Variants in GFOD1 observed in about 807,000 individuals in gnomAD.
GFOD1 encodes the protein glucose-fructose oxidoreductase domain-containing protein 1.
A neutral mutation model predicts 25.4 loss-of-function variants in GFOD1; 9 were observed. The observed-to-expected ratio is 0.35, with a 90% confidence interval of 0.21 to 0.62. GFOD1 has a LOEUF of 0.62. Ranked by LOEUF, GFOD1 falls within the 20% of genes least tolerant of loss-of-function variation. The probability of loss-of-function intolerance (pLI) is 0.72; values close to 1 mark genes in which losing one functional copy is unlikely to be tolerated. For synonymous variants in GFOD1, 253 were observed against 245.6 expected, an observed-to-expected ratio of 1.03 and a Z score of -0.28; for missense variants, 403 against 556.9, an observed-to-expected ratio of 0.72 and a Z score of 2.78.
rs1276889152 is a variant in GFOD1, at chr6:13,473,521, A to AT, written c.253+13116dup. On this transcript the variant is annotated intron_variant, in intron 1 of 1. Coordinates refer to ENST00000379287, the MANE Select transcript of GFOD1 (RefSeq NM_018988.4). ...AGCTCTGTCATTTGTGGCTGTCACC[A>AT]TTTGAGATACGAAGGGAAAGAAAGA... is the stretch of plus-strand genomic sequence containing the variant. Among the ~76,000 whole-genome samples, 4 of 152,244 alleles carry AT rather than the reference A, an allele frequency of 2.6e-5. No individual in the cohort carries two copies. In the South Asian group the frequency reaches 8.3e-4, roughly 31 times the overall value.
In GFOD1 at chr6:13,486,405, T is replaced by G. The variant is rs1049850603; in HGVS notation, c.253+233A>C. On this transcript the variant is annotated intron_variant, in intron 1 of 1. Coordinates refer to ENST00000379287, the MANE Select transcript of GFOD1 (RefSeq NM_018988.4). ...TTCTCCAGCCTGCAATCTACACACGTGGGGAAGCGCGTCCAAGTGGTGCCA... is the reference window on the plus strand; with the variant it reads ...TTCTCCAGCCTGCAATCTACACACGGGGGGAAGCGCGTCCAAGTGGTGCCA... 5.1e-5 allele frequency: 30 copies of G among 592,424 alleles called. 1 individual carries two copies. Among genetic ancestry groups the G allele is most frequent in the Non-Finnish European group, 7.7e-5 (26 of 335,744 alleles). 36.7% of individuals were successfully genotyped at this position (592,424 alleles called of 1,614,324 possible).
At chr6:13,428,552 C>A (rs1023298775) in intron 1 of GFOD1, among the ~76,000 whole-genome samples, 1 of 152,150 alleles carries the variant, frequency 6.6e-6, no homozygotes, top group African/African-American at 2.4e-5. Flanking sequence ...CTTTCACACC[C>A]AGCACATTAA....
intron 1 of GFOD1, among the ~76,000 whole-genome samples, chr6:13,460,066 G>A (rs1194903427): frequency 2.0e-5 from 3 of 152,202 alleles, no homozygotes; most frequent in East Asian, 1.9e-4. Context: ...CTCAGGAGGC[G>A]GAGGTTACAG....
intron 1 of GFOD1, among the ~76,000 whole-genome samples, chr6:13,452,021 C>T (rs1026834409): frequency 2.0e-5 from 3 of 152,144 alleles, no homozygotes; most frequent in Non-Finnish European, 4.4e-5. Flanking sequence ...TGTTTTCTAT[C>T]ACGTGGACTG....
chr6:13,468,083 A>AT (rs1416103994), intron 1 of GFOD1, among the ~76,000 whole-genome samples: 1 of 152,106 alleles, frequency 6.6e-6, no homozygotes, highest in African/African-American at 2.4e-5. Flanking sequence ...TCATTATGAT[A>AT]TTTTTTTAAA....
chr6:13,466,004 T>C (rs1758373422), intron 1 of GFOD1, among the ~76,000 whole-genome samples: 1 of 152,158 alleles, frequency 6.6e-6, no homozygotes, highest in Admixed American at 6.5e-5. Context: ...TTAGGAACAC[T>C]TCTCATTTAA....
At chr6:13,436,643 T>C (rs1473852131) in intron 1 of GFOD1, among the ~76,000 whole-genome samples, 1 of 152,252 alleles carries the variant, frequency 6.6e-6, no homozygotes, top group Admixed American at 6.5e-5. Flanking sequence ...TAACCAATGC[T>C]GCAATAAATA....
intron 1 of GFOD1, among the ~76,000 whole-genome samples, chr6:13,387,650 C>T (rs565234406): frequency 6.6e-6 from 1 of 152,306 alleles, no homozygotes; most frequent in South Asian, 2.1e-4. Flanking sequence ...GACAAACCTA[C>T]AGCCAATATC....
intron 1 of GFOD1, among the ~76,000 whole-genome samples, chr6:13,465,654 A>AGGGAG (rs1584667985): frequency 6.6e-6 from 1 of 152,164 alleles, no homozygotes; most frequent in East Asian, 1.9e-4. Context: ...ACACCTTCCC[A>AGGGAG]GGTGTTCCTA....
chr6:13,360,808 A>C lies in GFOD1; in HGVS notation c.*3935T>G, dbSNP rs891921483. 2.2e-6 allele frequency: 1 copy of C among 456,578 alleles called. No individual in the cohort carries two copies. Among genetic ancestry groups the C allele is most frequent in the Non-Finnish European group, 4.4e-6 (1 of 226,970 alleles). The allele number at this position is 456,578 out of a possible 1,614,324, so 28.3% of individuals were successfully genotyped here. A position where few individuals can be genotyped will look rare whatever the true frequency, so the allele number is the denominator to read the frequency against. On this transcript the variant is annotated 3_prime_UTR_variant, in exon 2 of 2. Transcript: ENST00000379287. Reference sequence around the variant, plus strand: ...TGTCACAGTCCTTCCTGGGTGTGAGAGCAGACCCCGTAGACATTGATAAGG... The same window carrying C: ...TGTCACAGTCCTTCCTGGGTGTGAGCGCAGACCCCGTAGACATTGATAAGG...
intron 1 of GFOD1, among the ~76,000 whole-genome samples, chr6:13,386,291 C>A (rs934264671): frequency 6.6e-6 from 1 of 152,172 alleles, no homozygotes; most frequent in Non-Finnish European, 1.5e-5. Flanking sequence ...TTCTAAGGAG[C>A]CTCCTATCCG....
intron 1 of GFOD1, among the ~76,000 whole-genome samples, chr6:13,393,394 G>T (rs1377538237): frequency 2.6e-5 from 3 of 113,626 alleles, no homozygotes; most frequent in Non-Finnish European, 3.8e-5. Context: ...AAAAAAAAAG[G>T]AAAGAAGTAA....
chr6:13,397,945 C>T (rs1326459389), intron 1 of GFOD1, among the ~76,000 whole-genome samples: 1 of 152,152 alleles, frequency 6.6e-6, no homozygotes, highest in Non-Finnish European at 1.5e-5. Context: ...CCAGATACTC[C>T]CTCTATCTTC....
intron 1 of GFOD1, among the ~76,000 whole-genome samples, chr6:13,475,092 T>A (rs1220423392): frequency 6.6e-6 from 1 of 152,138 alleles, no homozygotes; most frequent in African/African-American, 2.4e-5. Flanking sequence ...TGCTTACAAA[T>A]CAATAAATGA....
chr6:13,417,168 G>A (rs947246208), intron 1 of GFOD1, among the ~76,000 whole-genome samples: 2 of 152,144 alleles, frequency 1.3e-5, no homozygotes, highest in Non-Finnish European at 2.9e-5. Flanking sequence ...CTCCATGTTC[G>A]GGGACTTCGG....
rs764195315 is a variant in GFOD1, at chr6:13,364,848, C to T, written c.1068G>A (p.Thr356=). ...VVDTIKRSSQ[T]GEWQNIAIMT... ...TGATGGCAATGTTCTGCCACTCGCC[C>T]GTCTGGCTGGACCTCTTGATGGTGT... is the stretch of plus-strand genomic sequence containing the variant. Residue 356 remains threonine, a synonymous_variant, in exon 2 of 2, where the codon ACG becomes ACA. Coordinates refer to ENST00000379287, the MANE Select transcript of GFOD1 (RefSeq NM_018988.4). The surrounding 1 kb of genome is among the most constrained non-coding windows in gnomAD (Gnocchi z 4.1). 4 of 1,613,946 alleles carry T rather than the reference C, an allele frequency of 2.5e-6. No individual in the cohort carries two copies. The highest frequency in any genetic ancestry group is 2.5e-6 in the Non-Finnish European group (3 of 1,180,044).
intron 1 of GFOD1, among the ~76,000 whole-genome samples, chr6:13,446,977 T>A (rs987462111): frequency 3.9e-5 from 6 of 152,222 alleles, no homozygotes; most frequent in Admixed American, 3.3e-4. Context: ...AATGGGCTCA[T>A]CTGTAAGGGA....
At chr6:13,378,180 C>T (rs374981801) in intron 1 of GFOD1, among the ~76,000 whole-genome samples, 3 of 152,286 alleles carry the variant, frequency 2.0e-5, no homozygotes, top group African/African-American at 7.2e-5. Flanking sequence ...TATGATTGCC[C>T]AAGGTCAGAG....
At position 13,486,946 on chromosome 6, in the gene GFOD1, C is replaced by T. The variant is rs936079765; in HGVS notation, c.-56G>A. On this transcript the variant is annotated 5_prime_UTR_variant, in exon 1 of 2. Coordinates refer to ENST00000379287, the MANE Select transcript of GFOD1 (RefSeq NM_018988.4). ...GCTCGGATCTCCAGTCCAACGCGCGCACACACCCACCTCTAGCCAGTCCTG... is the reference window on the plus strand; with the variant it reads ...GCTCGGATCTCCAGTCCAACGCGCGTACACACCCACCTCTAGCCAGTCCTG... The T allele has an allele frequency of 1.3e-6, 2 of 1,571,992 alleles. No homozygotes were observed. The highest frequency in any genetic ancestry group is 2.7e-5 in the African/African-American group (2 of 74,710).
Sources: allele counts gnomAD v4.1 joint callset (sites outside exome capture counted in the v4.1 genomes callset), GRCh38; gene constraint gnomAD v4.1.1; non-coding constraint Gnocchi (gnomAD v3.1); transcripts MANE v1.5; gene names NCBI Gene and HGNC (gene_info 2026-07-23, HGNC 2026-07-21).